HDGFL3: variants seen among roughly 807,000 people sequenced by gnomAD.
The protein encoded by HDGFL3 is hepatoma-derived growth factor-related protein 3.
In HDGFL3, 6 loss-of-function variants were observed where a neutral mutation model predicts 27.6. The observed-to-expected ratio is 0.22, with a 90% CI of 0.12 to 0.43. The LOEUF is 0.43. Among genes scored for constraint, HDGFL3 ranks in the 20% least tolerant of loss-of-function variants. HDGFL3 has a pLI of 1.00. For synonymous variants in HDGFL3, 88 were observed against 88.9 expected (o/e 0.99, Z 0.05); for missense variants, 207 against 250.1 (o/e 0.83, Z 1.16).
At chr15:83,205,183 G>A (rs1266066601) in intron 1 of HDGFL3, among the ~76,000 whole-genome samples, 4 of 152,086 alleles carry the variant, frequency 2.6e-5, no homozygotes, top group African/African-American at 9.7e-5. Flanking sequence ...GGTGTAAGAT[G>A]GGAATAATGC....
chr15:83,195,393 G>C (rs2037557154), intron 1 of HDGFL3, among the ~76,000 whole-genome samples: 1 of 151,770 alleles, frequency 6.6e-6, no homozygotes, highest in Non-Finnish European at 1.5e-5. Flanking sequence ...GTAATAGTCT[G>C]ATCATGATAC....
chr15:83,175,069 G>T (rs1035968593), intron 1 of HDGFL3, among the ~76,000 whole-genome samples: 2 of 152,178 alleles, frequency 1.3e-5, no homozygotes, highest in African/African-American at 4.8e-5. Context: ...TTCCCACATG[G>T]TAACAATTAG....
In HDGFL3 at chr15:83,156,703, T is replaced by A. The variant is rs556253943; in HGVS notation, c.459+712A>T. ...CAAAATTGCCTAATGATGCATTTCT[T>A]TTTTTTTTGAGATGGAGTCTCGCTC... On this transcript the variant is annotated intron_variant, in intron 4 of 5. Coordinates refer to ENST00000299633, the MANE Select transcript of HDGFL3 (RefSeq NM_016073.4). 1.5e-4 allele frequency among the ~76,000 whole-genome samples: 22 copies of A among 151,324 alleles called. 1 individual carries two copies. The South Asian group carries it at 4.6e-3, about 32-fold the overall frequency.
chr15:83,113,981 A>G (rs2034428102), exon 4 of HDGFL3: 1 of 152,266 alleles, frequency 6.6e-6, no homozygotes, highest in Non-Finnish European at 1.5e-5. Flanking sequence ...CCCAATCCAC[A>G]TATAAGAAGC....
chr15:83,192,360 C>G (rs2037521672), intron 1 of HDGFL3: 3 of 449,308 alleles, frequency 6.7e-6, no homozygotes. Context: ...GCACTCCTGA[C>G]AGGGTTGCTA....
intron 5 of HDGFL3, among the ~76,000 whole-genome samples, chr15:83,140,734 C>T (rs1332449179): frequency 6.6e-6 from 1 of 152,078 alleles, no homozygotes; most frequent in Non-Finnish European, 1.5e-5. Context: ...CCTGGCTCGG[C>T]GGCCTCCCAA....
At chr15:83,117,367 G>A (rs1794075366) in intron 3 of HDGFL3, among the ~76,000 whole-genome samples, 1 of 152,152 alleles carries the variant, frequency 6.6e-6, no homozygotes, top group Non-Finnish European at 1.5e-5. Context: ...GAGAGTCACG[G>A]GCCATCGGAG....
chr15:83,204,295 C>A (rs1358070871), intron 1 of HDGFL3, among the ~76,000 whole-genome samples: 2 of 151,770 alleles, frequency 1.3e-5, no homozygotes, highest in African/African-American at 4.8e-5. Context: ...CCGAATGGTA[C>A]AGTTAAGGTA....
chr15:83,124,606 T>C (rs1455373237), downstream of HDGFL3: 1 of 1,196,330 alleles, frequency 8.4e-7, no homozygotes. Flanking sequence ...TGACATTTAA[T>C]GTTTCAGATT....
chr15:83,114,058 C>G (rs866693991), exon 4 of HDGFL3: 34 of 152,388 alleles, frequency 2.2e-4, no homozygotes, highest in African/African-American at 7.0e-4. Context: ...GAGCTGGGTC[C>G]GTCTGCTTTC....
chr15:83,144,562 G>T (rs1360473480), intron 5 of HDGFL3: 1 of 455,992 alleles, frequency 2.2e-6, no homozygotes. Flanking sequence ...TGAGATCCAT[G>T]GGGCAAGGCA....
At chr15:83,149,715 C>G (rs1379414337) in intron 5 of HDGFL3, among the ~76,000 whole-genome samples, 1 of 151,880 alleles carries the variant, frequency 6.6e-6, no homozygotes, top group East Asian at 1.9e-4. Flanking sequence ...GAAATGGAGA[C>G]TGGGAGAAAA....
At chr15:83,194,299 T>A (rs919334369) in intron 1 of HDGFL3, among the ~76,000 whole-genome samples, 1 of 152,060 alleles carries the variant, frequency 6.6e-6, no homozygotes, top group African/African-American at 2.4e-5. Context: ...AATAAGCCAG[T>A]CACAAAAAAA....
Position 83,135,479 on chromosome 15 carries a change from T to C in HDGFL3, c.*3791A>G, listed in dbSNP as rs2036545352. 1 of 152,232 alleles carries C rather than the reference T, an allele frequency of 6.6e-6. No homozygotes were observed. The highest frequency in any genetic ancestry group is 2.4e-5 in the African/African-American group (1 of 41,462). The allele number at this position is 152,232 out of a possible 1,614,324, so 9.4% of individuals were successfully genotyped here. The stretch of plus-strand genomic sequence containing the variant: ...TACATTTAGATTCCCAATCCTTTAT[T>C]CATGTGTATCTTGAATTTCAGCAAG... On this transcript the variant is annotated 3_prime_UTR_variant, in exon 6 of 6. Coordinates refer to ENST00000299633, the MANE Select transcript of HDGFL3 (RefSeq NM_016073.4).
chr15:83,204,899 G>A (rs1477000388), intron 1 of HDGFL3, among the ~76,000 whole-genome samples: 2 of 152,180 alleles, frequency 1.3e-5, no homozygotes, highest in Admixed American at 6.5e-5. Flanking sequence ...CTCACAAAGG[G>A]CTGCCTAGGA....
Position 83,128,540 on chromosome 15 carries a change from A to G in HDGFL3, c.*10730T>C, listed in dbSNP as rs966313997. 1.3e-5 allele frequency: 2 copies of G among 152,154 alleles called. No homozygotes were observed. The highest frequency in any genetic ancestry group is 2.9e-5 in the Non-Finnish European group (2 of 68,028). 9.4% of individuals were successfully genotyped at this position (152,154 alleles called of 1,614,324 possible). A position where few individuals can be genotyped will look rare whatever the true frequency, so the allele number is the denominator to read the frequency against. On this transcript the variant is annotated 3_prime_UTR_variant, in exon 6 of 6. Coordinates refer to ENST00000299633, the MANE Select transcript of HDGFL3 (RefSeq NM_016073.4). ...GTTTATTTCTGTATTTTAGGTCTTT[A>G]TCTTTGTATCTTTCAATACCAACTA...
exon 4 of HDGFL3, chr15:83,114,041 A>T (rs1160803947): frequency 6.6e-6 from 1 of 152,342 alleles, no homozygotes; most frequent in African/African-American, 2.4e-5. Context: ...ACAGCCAGTC[A>T]TTAGATGAGC....
At chr15:83,126,391 G>T (rs1349730768), downstream of HDGFL3, among the ~76,000 whole-genome samples, 1 of 152,198 alleles carries the variant, frequency 6.6e-6, no homozygotes. Context: ...GATGAATTTG[G>T]TGTAGAAATA....
At position 83,168,824 on chromosome 15, in the gene HDGFL3, G is replaced by C. The variant is rs775211539; in HGVS notation, c.85-4749C>G. 3.3e-5 allele frequency among the ~76,000 whole-genome samples: 5 copies of C among 151,888 alleles called. No homozygotes were observed. The East Asian group carries it at 9.6e-4, about 29-fold the overall frequency. Reference sequence around the variant, plus strand: ...AAAACCTGGCAAAGACACAACAAAAGGAAAAAACTACAGGCCAATATCCCT... The same window carrying C: ...AAAACCTGGCAAAGACACAACAAAACGAAAAAACTACAGGCCAATATCCCT... On this transcript the variant is annotated intron_variant, in intron 1 of 5. Transcript: ENST00000299633.
Sources: gnomAD v4.1 joint callset for allele counts (sites outside exome capture counted in the v4.1 genomes callset) on GRCh38, gnomAD v4.1.1 for gene constraint, MANE v1.5 for transcripts, NCBI Gene and HGNC (gene_info 2026-07-23, HGNC 2026-07-21) for gene names.